WASHC2A: variants seen among roughly 807,000 people sequenced by gnomAD.
WASHC2A encodes the protein WASH complex subunit FAM21A.
Under a neutral mutation model 140.3 loss-of-function variants are expected in WASHC2A, and 82 were observed. The observed-to-expected ratio is 0.58, with a 90% CI of 0.49 to 0.70. WASHC2A has a LOEUF of 0.70. Ranked by LOEUF, WASHC2A falls within the 30% of genes least tolerant of loss-of-function variation. The pLI, the probability that WASHC2A is intolerant of heterozygous loss-of-function variation, is 0.00. For synonymous variants in WASHC2A, 340 were observed against 560.8 expected (o/e 0.61, Z 5.56); for missense variants, 985 against 1,521.8 (o/e 0.65, Z 5.87).
In WASHC2A at chr10:50,091,461, G is replaced by A; in HGVS notation, c.874G>A (p.Glu292Lys). 3 of 1,550,740 alleles carry A rather than the reference G, an allele frequency of 1.9e-6. No individual in the cohort carries two copies. Among genetic ancestry groups the A allele is most frequent in the Middle Eastern group, 2.3e-4 (1 of 4,360 alleles). ...KRSRPTSFAD[E>K]LAARIKGDAV... Reference sequence around the variant, plus strand: ...AAGCAGACCTACATCGTTTGCAGATGAGCTGGCTGCCCGCATCAAGGGGGA... The same window carrying A: ...AAGCAGACCTACATCGTTTGCAGATAAGCTGGCTGCCCGCATCAAGGGGGA... Residue 292 changes from glutamate (E) to lysine (K), a missense_variant, in exon 10 of 31, where the codon GAG becomes AAG. By Grantham distance (56) the Glu-to-Lys change is moderately conservative. Coordinates refer to ENST00000282633, the MANE Select transcript of WASHC2A (RefSeq NM_001005751.3).
chr10:50,088,213 G>A lies in WASHC2A; in HGVS notation c.732+891G>A, dbSNP rs542186287. Among the ~76,000 whole-genome samples, 265 of 148,172 alleles carry A rather than the reference G, an allele frequency of 1.8e-3. 2 individuals are homozygous for A. The highest frequency in any genetic ancestry group is 5.9e-3 in the African/African-American group (240 of 41,002). On this transcript the variant is annotated intron_variant, in intron 8 of 30. Transcript: ENST00000282633. Reference sequence around the variant, plus strand: ...ACTGTCATAGTCTCTAAATGTATAAGGGAAAGGGTTTATTTCTAGAGTTGT... The same window carrying A: ...ACTGTCATAGTCTCTAAATGTATAAAGGAAAGGGTTTATTTCTAGAGTTGT...
In WASHC2A at chr10:50,125,107, T is replaced by A. The variant is rs527627923; in HGVS notation, c.2479-6T>A. On this transcript the variant is annotated splice_region_variant and splice_polypyrimidine_tract_variant and intron_variant, in intron 23 of 30. Coordinates refer to ENST00000282633, the MANE Select transcript of WASHC2A (RefSeq NM_001005751.3). ...AATCACACATGACCTTCCCTCCTGT[T>A]CCCAGGGCCGCGATCCTGATGCCCA... The A allele has an allele frequency of 6.7e-3, 10,873 of 1,611,702 alleles. 654 individuals are homozygous for A. The African/African-American group carries it at 0.13, about 19-fold the overall frequency.
Position 50,133,276 on chromosome 10 carries a change from A to G in WASHC2A, c.*331A>G. The G allele has an allele frequency of 5.4e-6, 3 of 554,404 alleles. No homozygotes were observed. The highest frequency in any genetic ancestry group is 1.0e-5 in the Non-Finnish European group (3 of 289,846). The allele number at this position is 554,404 out of a possible 1,614,324, so 34.3% of individuals were successfully genotyped here. A position where few individuals can be genotyped will look rare whatever the true frequency, so the allele number is the denominator to read the frequency against. ...TGGGCAGGGAATCCCAGAGATAGCAAATGCCACCTGACCAGAAGTCTTTGT... is the reference window on the plus strand; with the variant it reads ...TGGGCAGGGAATCCCAGAGATAGCAGATGCCACCTGACCAGAAGTCTTTGT... On this transcript the variant is annotated 3_prime_UTR_variant, in exon 31 of 31. Transcript: ENST00000282633.
At chr10:50,069,298 C>T (rs1479482433) in intron 2 of WASHC2A, among the ~76,000 whole-genome samples, 1 of 150,858 alleles carries the variant, frequency 6.6e-6, no homozygotes, top group Non-Finnish European at 1.5e-5. Context: ...TTGTGGCGGG[C>T]ACCTGTAATT....
chr10:50,113,194 C>T (rs1360215068), intron 20 of WASHC2A, among the ~76,000 whole-genome samples: 42 of 151,164 alleles, frequency 2.8e-4, no homozygotes, highest in African/African-American at 9.7e-4. Context: ...ATAGAGCGAC[C>T]TCACCTCTCC....
chr10:50,124,603 C>T (rs1287963244), intron 23 of WASHC2A, among the ~76,000 whole-genome samples: 6 of 152,122 alleles, frequency 3.9e-5, no homozygotes, highest in East Asian at 1.9e-4. Flanking sequence ...GGCTTGTGGT[C>T]GCACCTGTGC....
rs1034110797 is a variant in WASHC2A at position 50,127,482 on chromosome 10, G to A, written c.2875-101G>A. 3.0e-4 allele frequency: 491 copies of A among 1,611,462 alleles called. 2 individuals carry two copies. The highest frequency in any genetic ancestry group is 2.1e-4 in the Non-Finnish European group (243 of 1,179,574). ...TTTCCTACGTTTCTCTACTCCTCTC[G>A]TATTATACATTATGTGCACCGAATC... is the stretch of plus-strand genomic sequence containing the variant. On this transcript the variant is annotated intron_variant, in intron 27 of 30. Coordinates refer to ENST00000282633, the MANE Select transcript of WASHC2A (RefSeq NM_001005751.3).
At chr10:50,076,749 C>A (rs1372433001) in intron 3 of WASHC2A, among the ~76,000 whole-genome samples, 1 of 150,954 alleles carries the variant, frequency 6.6e-6, no homozygotes, top group Admixed American at 6.6e-5. Context: ...AGGCCAAGGC[C>A]GATGGATCAC....
intron 8 of WASHC2A, among the ~76,000 whole-genome samples, chr10:50,090,515 A>AAAAT (rs1214596899): frequency 2.8e-5 from 3 of 108,734 alleles, no homozygotes; most frequent in African/African-American, 6.5e-5. Context: ...AAAAAAAAAA[A>AAAAT]ATATATATAT....
chr10:50,130,050 T>G lies in WASHC2A; in HGVS notation c.3708+11T>G, dbSNP rs1843803142. 1 of 1,611,780 alleles carries G rather than the reference T, an allele frequency of 6.2e-7. No homozygotes were observed. On this transcript the variant is annotated intron_variant, in intron 29 of 30. Coordinates refer to ENST00000282633, the MANE Select transcript of WASHC2A (RefSeq NM_001005751.3). Reference sequence around the variant, plus strand: ...CAAGATATTTTTGAGGTAATAGGACTTAACACGTTTTTGTGTCTGTTCTAA... The same window carrying G: ...CAAGATATTTTTGAGGTAATAGGACGTAACACGTTTTTGTGTCTGTTCTAA...
Position 50,072,322 on chromosome 10 carries a change from C to T in WASHC2A, c.291+2611C>T, listed in dbSNP as rs192872111. On this transcript the variant is annotated intron_variant, in intron 3 of 30. Coordinates refer to ENST00000282633, the MANE Select transcript of WASHC2A (RefSeq NM_001005751.3). ...AACTCTTCTCCGGATGTGCTGGTTG[C>T]CGCTGCCAAATCTTAATTACTTCCC... 1.8e-3 allele frequency among the ~76,000 whole-genome samples: 276 copies of T among 151,966 alleles called. 1 individual carries two copies. Among genetic ancestry groups the T allele is most frequent in the African/African-American group, 5.9e-3 (246 of 41,428 alleles).
At chr10:50,091,718 C>T (rs1839947634) in intron 10 of WASHC2A, among the ~76,000 whole-genome samples, 200 bp downstream of exon 10, 1 of 152,084 alleles carries the variant, frequency 6.6e-6, no homozygotes, top group East Asian at 1.9e-4. Flanking sequence ...TGTGGACCCA[C>T]AAGAAAAACG....
chr10:50,078,806 T>G, intron 4 of WASHC2A, 69 bp downstream of exon 4: 1 of 1,610,840 alleles, frequency 6.2e-7, no homozygotes, highest in South Asian at 1.1e-5. Flanking sequence ...CGATGTGTTA[T>G]GTGGGAACTG....
intron 17 of WASHC2A, among the ~76,000 whole-genome samples, chr10:50,101,840 TA>T (rs1554886928): frequency 2.0e-5 from 3 of 147,844 alleles, no homozygotes; most frequent in Admixed American, 6.8e-5. Flanking sequence ...ATATGTCTGG[TA>T]CCTGGGCACT....
In WASHC2A at chr10:50,093,929, C is replaced by T. The variant is rs201008842; in HGVS notation, c.1180+12C>T. 0.28 allele frequency: 435,405 copies of T among 1,534,906 alleles called. 24,830 individuals carry two copies. The highest frequency in any genetic ancestry group is 0.34 in the Middle Eastern group (1,449 of 4,274). ...CTCTGTTAAGGAGGGTAAGCTGGGG[C>T]TGGGCAGCTGCGTCTCCGTGTGCAG... On this transcript the variant is annotated intron_variant, in intron 13 of 30. Coordinates refer to ENST00000282633, the MANE Select transcript of WASHC2A (RefSeq NM_001005751.3).
intron 9 of WASHC2A, 58 bp from the exon 10 acceptor site, chr10:50,091,373 A>G: frequency 1.3e-6 from 2 of 1,538,866 alleles, no homozygotes; most frequent in Non-Finnish European, 1.8e-6. Flanking sequence ...TAGGTGTCCA[A>G]AGTGAAGTGT....
chr10:50,127,887 C>G (rs1483548914), intron 28 of WASHC2A, 92 bp downstream of exon 28: 1 of 1,336,686 alleles, frequency 7.5e-7, no homozygotes, highest in Non-Finnish European at 1.0e-6. Flanking sequence ...ACACAGCAGT[C>G]TTTGACTCTC....
chr10:50,116,774 T>C (rs1842717988), intron 21 of WASHC2A, among the ~76,000 whole-genome samples: 1 of 150,568 alleles, frequency 6.6e-6, no homozygotes, highest in African/African-American at 2.5e-5. Flanking sequence ...TATCTCTTCC[T>C]AACTAAAAAT....
Position 50,126,179 on chromosome 10 carries a change from G to C in WASHC2A, c.2811G>C (p.Gln937His). Residue 937 changes from glutamine to histidine, a missense_variant and splice_region_variant, in exon 26 of 31, where the codon CAG (glutamine) becomes CAC (histidine). Coordinates refer to ENST00000282633, the MANE Select transcript of WASHC2A (RefSeq NM_001005751.3). ...EKGIWKPETPQDSSGLAPFKT... is the reference protein window; with the variant it reads ...EKGIWKPETPHDSSGLAPFKT... The stretch of plus-strand genomic sequence containing the variant: ...GCATATGGAAGCCGGAAACACCTCA[G>C]GTTAGAAATCCTCTTTAAGGATTTT... The C allele has an allele frequency of 6.2e-7, 1 of 1,613,200 alleles. No individual in the cohort carries two copies.
Sources: gnomAD v4.1 joint callset for allele counts (sites outside exome capture counted in the v4.1 genomes callset) on GRCh38, gnomAD v4.1.1 for gene constraint, MANE v1.5 for transcripts, NCBI Gene and HGNC (gene_info 2026-07-23, HGNC 2026-07-21) for gene names.